The following RGS18 variants were observed in gnomAD, a reference collection of about 807,000 sequenced individuals.
RGS18 encodes regulator of G-protein signaling 18.
In RGS18, 22 loss-of-function variants were observed where a neutral mutation model predicts 27.6. The ratio of observed to expected loss-of-function variants is 0.80; its 90% CI spans 0.57 to 1.14. The LOEUF is 1.14. Among genes scored for constraint, RGS18 ranks in the 50% most tolerant of loss-of-function variants. The pLI is 0.00. For missense variants in RGS18, 299 were observed against 269.6 expected, an observed-to-expected ratio of 1.11 and a Z score of -0.76; for synonymous variants, 89 against 84.6, an observed-to-expected ratio of 1.05 and a Z score of -0.29.
rs1252133641 is a variant in RGS18 at position 192,161,162 on chromosome 1, T to A, written c.283+723T>A. Among the ~76,000 whole-genome samples the A allele has an allele frequency of 2.6e-5, 4 of 152,284 alleles. No homozygotes were observed. The East Asian group carries it at 7.7e-4, about 29-fold the overall frequency. On this transcript the variant is annotated intron_variant, in intron 3 of 4. Transcript: ENST00000367460. ...ACTGCGCCCCGCTCCATAAACACAG[T>A]TTTAAAAAAAATTTATAAATTCTTC...
chr1:192,172,864 C>CATATATAT (rs549568195), intron 3 of RGS18, among the ~76,000 whole-genome samples: 32,570 of 135,052 alleles, frequency 0.24, 4,603 homozygotes, highest in Admixed American at 0.4. Flanking sequence ...GAAAAATATG[C>CATATATAT]ATATATATAT....
At chr1:192,158,932 A>G (rs1045533786) in intron 1 of RGS18, among the ~76,000 whole-genome samples, 176 bp downstream of exon 1, 2 of 152,192 alleles carry the variant, frequency 1.3e-5, no homozygotes, top group South Asian at 2.1e-4. Context: ...ACTGAAATCT[A>G]AAGTGTTCTC....
In RGS18 at chr1:192,158,649, A is replaced by G; in HGVS notation, c.12A>G (p.Thr4=). The G allele has an allele frequency of 6.4e-7, 1 of 1,566,228 alleles. No individual in the cohort carries two copies. The highest frequency in any genetic ancestry group is 2.3e-5 in the East Asian group (1 of 43,836). Residue 4 remains threonine, a synonymous_variant, in exon 1 of 5, where the codon ACA becomes ACG. Coordinates refer to ENST00000367460, the MANE Select transcript of RGS18 (RefSeq NM_130782.3). MET[T]LLFFSQINMC... is the part of the protein sequence containing the mutation. ...ATTTTAGAGAGAAGATGGAAACAAC[A>G]TTGCTTTTCTTTTCTCAAATAAATA...
chr1:192,181,377 GA>G lies in RGS18; in HGVS notation c.373del (p.Ser125AlafsTer69). On this transcript the variant is annotated frameshift_variant, in exon 4 of 5. Coordinates refer to ENST00000367460, the MANE Select transcript of RGS18 (RefSeq NM_130782.3). LOFTEE classifies it high-confidence loss of function. ...EFWIACEDFK[K>X]SKGPQQIHLK... is the part of the protein sequence containing the mutation. The stretch of plus-strand genomic sequence containing the variant: ...TTTGGATAGCCTGTGAAGATTTCAA[GA>G]AAAGCAAGGGACCTCAACAAATTCA... The G allele has an allele frequency of 6.3e-7, 1 of 1,593,686 alleles. No individual in the cohort carries two copies. Among genetic ancestry groups the G allele is most frequent in the Non-Finnish European group, 8.5e-7 (1 of 1,170,710 alleles).
At chr1:192,174,870 G>C (rs1656331716) in intron 3 of RGS18, among the ~76,000 whole-genome samples, 1 of 151,784 alleles carries the variant, frequency 6.6e-6, no homozygotes, top group African/African-American at 2.4e-5. Flanking sequence ...TAATTGGAAT[G>C]TTTAGCTCAT....
At chr1:192,165,408 A>T (rs948822216) in intron 3 of RGS18, among the ~76,000 whole-genome samples, 6 of 152,122 alleles carry the variant, frequency 3.9e-5, no homozygotes, top group African/African-American at 1.4e-4. Context: ...TTGCCTTGTG[A>T]TATTTTATTG....
intron 3 of RGS18, among the ~76,000 whole-genome samples, chr1:192,173,629 G>A (rs1010163892): frequency 1.3e-5 from 2 of 151,746 alleles, no homozygotes; most frequent in Admixed American, 6.6e-5. Context: ...TTGAATTAGG[G>A]CTACCAGATC....
chr1:192,160,402 AT>A lies in RGS18; in HGVS notation c.247del (p.Trp83GlyfsTer15). ...TRVSPEEAVKWGESFDKLLSH... is the reference protein window; with the variant it reads ...TRVSPEEAVKXGESFDKLLSH... ...GAGTCTCCCCTGAAGAGGCAGTGAA[AT>A]GGGGTGAATCATTTGACAAACTGCT... On this transcript the variant is annotated frameshift_variant, in exon 3 of 5. Transcript: ENST00000367460. LOFTEE classifies it high-confidence loss of function. The A allele has an allele frequency of 6.2e-7, 1 of 1,612,536 alleles. No individual in the cohort carries two copies. The highest frequency in any genetic ancestry group is 1.3e-5 in the African/African-American group (1 of 75,026).
intron 3 of RGS18, chr1:192,163,663 T>C (rs1260600086): frequency 2.0e-5 from 3 of 152,044 alleles, no homozygotes; most frequent in East Asian, 1.9e-4. Context: ...ATATATTATA[T>C]TGAATTCACA....
chr1:192,179,785 G>A lies in RGS18; in HGVS notation c.284-1507G>A, dbSNP rs535405452. Among the ~76,000 whole-genome samples the A allele has an allele frequency of 4.0e-5, 6 of 151,588 alleles. No individual in the cohort carries two copies. In the East Asian group the frequency reaches 9.8e-4, roughly 25 times the overall value. ...TATAGCAATGGAGACCAGATTAGTG[G>A]TTCCCTGGAGTTAAAAAAAATTACA... On this transcript the variant is annotated intron_variant, in intron 3 of 4. Coordinates refer to ENST00000367460, the MANE Select transcript of RGS18 (RefSeq NM_130782.3).
intron 3 of RGS18, chr1:192,163,429 G>A (rs1294091550): frequency 6.6e-6 from 1 of 152,034 alleles, no homozygotes. Flanking sequence ...GATTTAGCAG[G>A]ATGATTAGTC....
chr1:192,172,478 C>A (rs1438099078), intron 3 of RGS18, among the ~76,000 whole-genome samples: 1 of 151,994 alleles, frequency 6.6e-6, no homozygotes, highest in Non-Finnish European at 1.5e-5. Context: ...ATACCACCGG[C>A]AGAACTGTGA....
chr1:192,184,207 A>T (rs1656503722), intron 4 of RGS18, 90 bp from the exon 5 acceptor site: 2 of 1,185,582 alleles, frequency 1.7e-6, no homozygotes, highest in African/African-American at 3.1e-5. Context: ...CAAGATGCCC[A>T]CTCCAACATT....
intron 3 of RGS18, among the ~76,000 whole-genome samples, chr1:192,174,331 T>C (rs1656320017): frequency 6.6e-6 from 1 of 151,842 alleles, no homozygotes; most frequent in Non-Finnish European, 1.5e-5. Flanking sequence ...TTTTGAAATT[T>C]ATTTAGGCTC....
At chr1:192,182,495 T>C (rs1214120729) in intron 4 of RGS18, among the ~76,000 whole-genome samples, 2 of 151,632 alleles carry the variant, frequency 1.3e-5, no homozygotes, top group Non-Finnish European at 3.0e-5. Flanking sequence ...TTGAGAAATG[T>C]CTATTCAGAG....
At chr1:192,168,578 C>T (rs1482234755) in intron 3 of RGS18, 1 of 152,118 alleles carries the variant, frequency 6.6e-6, no homozygotes, top group Non-Finnish European at 1.5e-5. Context: ...TAGTGAAGGA[C>T]TCTATTTGAA....
chr1:192,172,180 A>G (rs1240812981), intron 3 of RGS18, among the ~76,000 whole-genome samples: 2 of 152,028 alleles, frequency 1.3e-5, no homozygotes, highest in African/African-American at 4.8e-5. Flanking sequence ...CTGATCCTCA[A>G]TGTGGTGATG....
intron 3 of RGS18, among the ~76,000 whole-genome samples, chr1:192,166,056 T>G (rs1302556503): frequency 6.6e-6 from 1 of 152,202 alleles, no homozygotes; most frequent in African/African-American, 2.4e-5. Flanking sequence ...TTATAAAAGT[T>G]AATTTTATCA....
chr1:192,159,811 T>TA (rs1371789330), intron 2 of RGS18, among the ~76,000 whole-genome samples: 2 of 152,206 alleles, frequency 1.3e-5, no homozygotes, highest in East Asian at 1.9e-4. Flanking sequence ...TAGAGTATAA[T>TA]AAAAAAGATC....
Sources: gnomAD v4.1 joint callset for allele counts (sites outside exome capture counted in the v4.1 genomes callset) on GRCh38, gnomAD v4.1.1 for gene constraint, MANE v1.5 for transcripts, NCBI Gene and HGNC (gene_info 2026-07-23, HGNC 2026-07-21) for gene names.